ZNF646: variants seen among roughly 807,000 people sequenced by gnomAD.
The protein encoded by ZNF646 is zinc finger protein 646.
ZNF646 carries 49 observed loss-of-function variants against 115.4 expected under a neutral mutation model. The ratio of observed to expected loss-of-function variants is 0.42; its 90% CI spans 0.34 to 0.54. The LOEUF is 0.54. Among genes scored for constraint, ZNF646 ranks in the 20% least tolerant of loss-of-function variants. The pLI is 0.04. For missense variants in ZNF646, 2,269 were observed against 2,457.9 expected, an observed-to-expected ratio of 0.92 and a Z score of 1.62; for synonymous variants, 933 against 939.0, an observed-to-expected ratio of 0.99 and a Z score of 0.12.
rs1478072615 is a variant in ZNF646, at chr16:31,078,542, G to A, written c.2218G>A (p.Gly740Arg). Residue 740 changes from glycine to arginine, a missense_variant, in exon 2 of 3, where the codon GGG becomes AGG. Physicochemically the swap from Gly to Arg is moderately radical, Grantham distance 125. Coordinates refer to ENST00000300850, the MANE Select transcript of ZNF646 (RefSeq NM_014699.4). Reference sequence around the variant, plus strand: ...GGCTGAATCTGAAGGGGACAAATGTGGGCTTGAGAGGGATGAGACCCATTT... The same window carrying A: ...GGCTGAATCTGAAGGGGACAAATGTAGGCTTGAGAGGGATGAGACCCATTT... Reference protein sequence around the residue: ...LQAESEGDKCGLERDETHFQG... With the variant: ...LQAESEGDKCRLERDETHFQG... The A allele has an allele frequency of 2.5e-6, 4 of 1,599,820 alleles. No individual in the cohort carries two copies. In the African/African-American group the frequency reaches 5.4e-5, roughly 21 times the overall value.
Position 31,077,012 on chromosome 16 carries a change from TC to T in ZNF646, c.692del (p.Pro231LeufsTer51), listed in dbSNP as rs2057086221. On this transcript the variant is annotated frameshift_variant, in exon 2 of 3. Transcript: ENST00000300850. LOFTEE classifies it high-confidence loss of function. ...NFTGGQEPTQSPPAEEERRYK... is the reference protein window; with the variant it reads ...NFTGGQEPTQXPPAEEERRYK... ...CACAGGGGGCCAGGAGCCCACCCAGTCCCCTCCTGCTGAGGAGGAGCGGCGG... is the reference window on the plus strand; with the variant it reads ...CACAGGGGGCCAGGAGCCCACCCAGTCCCTCCTGCTGAGGAGGAGCGGCGG... 1 of 1,613,768 alleles carries T rather than the reference TC, an allele frequency of 6.2e-7. No individual in the cohort carries two copies. The highest frequency in any genetic ancestry group is 1.3e-5 in the African/African-American group (1 of 74,864).
In ZNF646 at chr16:31,079,292, C is replaced by T. The variant is rs747658470; in HGVS notation, c.2968C>T (p.Pro990Ser). The change falls in exon 2 of 3, where the codon CCC (proline) becomes TCC (serine). Residue 990 changes from proline to serine, a missense_variant. This residue lies in a region of ZNF646 where 1,062 missense variants were observed against 1,172.8 expected (regional missense o/e 0.91). Coordinates refer to ENST00000300850, the MANE Select transcript of ZNF646 (RefSeq NM_014699.4). The surrounding 1 kb of genome is among the most constrained non-coding windows in gnomAD (Gnocchi z 5.5). ...QSSGTTADKA[P>S]SPLGVAGDAM... Reference sequence around the variant, plus strand: ...TTCTGGGACTACTGCAGACAAGGCTCCCAGCCCCTTGGGAGTGGCAGGTGA... The same window carrying T: ...TTCTGGGACTACTGCAGACAAGGCTTCCAGCCCCTTGGGAGTGGCAGGTGA... 5 of 1,613,580 alleles carry T rather than the reference C, an allele frequency of 3.1e-6. No individual in the cohort carries two copies. The South Asian group carries it at 4.4e-5, about 14-fold the overall frequency.
upstream of ZNF646, chr16:31,072,957 CCG>C (rs2057027617): frequency 4.6e-5 from 7 of 152,290 alleles, no homozygotes; most frequent in Admixed American, 2.6e-4. Flanking sequence ...GGGCCCCACG[CCG>C]CTCTGGACCT....
chr16:31,076,656 A>G lies in ZNF646; in HGVS notation c.332A>G (p.Lys111Arg), dbSNP rs1303912541. 2 of 1,612,870 alleles carry G rather than the reference A, an allele frequency of 1.2e-6. No homozygotes were observed. Among genetic ancestry groups the G allele is most frequent in the African/African-American group, 1.3e-5 (1 of 74,912 alleles). The change falls in exon 2 of 3, where the codon AAG becomes AGG. Residue 111 changes from lysine (K) to arginine (R), a missense_variant. Physicochemically the swap from Lys to Arg is conservative, Grantham distance 26. This residue lies in a region of ZNF646 where 334 missense variants were observed against 323.5 expected (regional missense o/e 1.03). Coordinates refer to ENST00000300850, the MANE Select transcript of ZNF646 (RefSeq NM_014699.4). ...GRRRHRPPRP[K>R]EATPHLQGET... is the part of the protein sequence containing the mutation. ...CGCAGGCACAGGCCCCCACGCCCCA[A>G]GGAAGCCACTCCACACCTCCAGGGT...
Position 31,077,749 on chromosome 16 carries a change from C to T in ZNF646, c.1425C>T (p.Arg475=), listed in dbSNP as rs2143812565. ...YKCSECGRAY[R]HRGSLVNHRH... ...GCAGTGAGTGTGGTCGTGCTTACCG[C>T]CACCGGGGGAGCCTGGTGAACCATC... Residue 475 remains arginine, a synonymous_variant, in exon 2 of 3, where the codon CGC becomes CGT. Coordinates refer to ENST00000300850, the MANE Select transcript of ZNF646 (RefSeq NM_014699.4). The T allele has an allele frequency of 6.2e-7, 1 of 1,614,056 alleles. No individual in the cohort carries two copies. The highest frequency in any genetic ancestry group is 8.5e-7 in the Non-Finnish European group (1 of 1,180,038).
In ZNF646 at chr16:31,080,255, G is replaced by A. The variant is rs373261909; in HGVS notation, c.3931G>A (p.Ala1311Thr). 3.0e-5 allele frequency: 49 copies of A among 1,612,218 alleles called. No homozygotes were observed. The highest frequency in any genetic ancestry group is 1.6e-4 in the East Asian group (7 of 44,878). The change falls in exon 2 of 3, where the codon GCC becomes ACC. Residue 1311 changes from alanine (A) to threonine (T), a missense_variant. Physicochemically the swap from Ala to Thr is moderately conservative, Grantham distance 58. This residue lies in a region of ZNF646 where 1,062 missense variants were observed against 1,172.8 expected (regional missense o/e 0.91). Transcript: ENST00000300850. ...CGQCGRTYRH[A>T]GSLLNHRRSH... The stretch of plus-strand genomic sequence containing the variant: ...GCAGTGCGGGCGGACCTATCGCCAC[G>A]CCGGCAGCCTCCTGAACCACCGGCG...
Position 31,076,700 on chromosome 16 carries a change from T to C in ZNF646, c.376T>C (p.Ser126Pro). Residue 126 changes from serine to proline, a missense_variant, in exon 2 of 3, where the codon TCC becomes CCC. Coordinates refer to ENST00000300850, the MANE Select transcript of ZNF646 (RefSeq NM_014699.4). ...CCAGGGTGAGACGGTGTCCACTGAC[T>C]CCTGGGGCCAAAGGCTTGGCTCTAG... Reference protein sequence around the residue: ...HLQGETVSTDSWGQRLGSSEG... With the variant: ...HLQGETVSTDPWGQRLGSSEG... 6.2e-7 allele frequency: 1 copy of C among 1,613,618 alleles called. No individual in the cohort carries two copies. Among genetic ancestry groups the C allele is most frequent in the Non-Finnish European group, 8.5e-7 (1 of 1,179,986 alleles).
chr16:31,078,939 C>T lies in ZNF646; in HGVS notation c.2615C>T (p.Pro872Leu). 6.2e-7 allele frequency: 1 copy of T among 1,613,116 alleles called. No homozygotes were observed. The highest frequency in any genetic ancestry group is 8.5e-7 in the Non-Finnish European group (1 of 1,179,930). ...CGCAGCCACTTCCAGAACCATAGGC[C>T]TGGGGAGGCGACCTCAGCACAGCCT... ...ALRSHFQNHR[P>L]GEATSAQPFL... is the part of the protein sequence containing the mutation. Residue 872 changes from proline to leucine, a missense_variant, in exon 2 of 3, where the codon CCT (proline) becomes CTT (leucine). Pro to Leu is a moderately conservative substitution (Grantham distance 98). Around this residue, in one of 5 missense-constraint regions of ZNF646, gnomAD observed 852 missense variants for 900.2 expected, o/e 0.95. Coordinates refer to ENST00000300850, the MANE Select transcript of ZNF646 (RefSeq NM_014699.4).
chr16:31,083,211 A>G lies in ZNF646; in HGVS notation c.*119A>G. Reference sequence around the variant, plus strand: ...CCATATCTTCTCCTCTCCCCTTGTGAAGAGGACCCAGATCTGGCTTCTTTC... The same window carrying G: ...CCATATCTTCTCCTCTCCCCTTGTGGAGAGGACCCAGATCTGGCTTCTTTC... On this transcript the variant is annotated 3_prime_UTR_variant, in exon 3 of 3. Transcript: ENST00000300850. 7.1e-7 allele frequency: 1 copy of G among 1,409,728 alleles called. No homozygotes were observed. The highest frequency in any genetic ancestry group is 1.5e-5 in the African/African-American group (1 of 68,308). The allele number at this position is 1,409,728 out of a possible 1,614,324, so 87.3% of individuals were successfully genotyped here. A position where few individuals can be genotyped will look rare whatever the true frequency, so the allele number is the denominator to read the frequency against.
At position 31,079,990 on chromosome 16, in the gene ZNF646, G is replaced by T. The variant is rs1314682320; in HGVS notation, c.3666G>T (p.Arg1222=). 6.2e-7 allele frequency: 1 copy of T among 1,607,766 alleles called. No individual in the cohort carries two copies. The highest frequency in any genetic ancestry group is 1.7e-5 in the Admixed American group (1 of 59,834). ...ACGCCGGCAGCCTCATCAACCACCG[G>T]CAGAGCCACCAGACCGGCCACTTTG... The part of the protein sequence containing the change: ...YKHAGSLINH[R]QSHQTGHFGC... The change falls in exon 2 of 3, where the codon CGG becomes CGT. Residue 1222 remains arginine (R), a synonymous_variant. Coordinates refer to ENST00000300850, the MANE Select transcript of ZNF646 (RefSeq NM_014699.4). The surrounding 1 kb of genome is among the most constrained non-coding windows in gnomAD (Gnocchi z 5.5).
chr16:31,082,756 T>C, intron 2 of ZNF646: 2 of 587,382 alleles, frequency 3.4e-6, no homozygotes, highest in Middle Eastern at 4.4e-4. Context: ...GCTGAAGGAA[T>C]GGCTTTAAGG....
Position 31,079,674 on chromosome 16 carries a change from C to T in ZNF646, c.3350C>T (p.Ala1117Val), listed in dbSNP as rs2057128576. 1.2e-6 allele frequency: 2 copies of T among 1,613,364 alleles called. No individual in the cohort carries two copies. Among genetic ancestry groups the T allele is most frequent in the East Asian group, 4.5e-5 (2 of 44,866 alleles). ...CCCCAGGTTGGGCCCATCCCAGAGG[C>T]AGCAGGTAGCAGTGAGCTGCAGGTT... ...SEPQVGPIPE[A>V]AGSSELQVGP... Residue 1117 changes from alanine (A) to valine (V), a missense_variant, in exon 2 of 3, where the codon GCA becomes GTA. Transcript: ENST00000300850. This position sits in a 1 kb window ranked among gnomAD's most constrained non-coding sequence, Gnocchi z 5.5.
Position 31,083,546 on chromosome 16 carries a change from G to T in ZNF646, c.*454G>T, listed in dbSNP as rs1567414393. On this transcript the variant is annotated 3_prime_UTR_variant, in exon 3 of 3. Coordinates refer to ENST00000300850, the MANE Select transcript of ZNF646 (RefSeq NM_014699.4). Reference sequence around the variant, plus strand: ...GCGTGATTGTATCTGAAAGGGTAAAGGAGGAGGAAAGCTGAGACGCCTGCT... The same window carrying T: ...GCGTGATTGTATCTGAAAGGGTAAATGAGGAGGAAAGCTGAGACGCCTGCT... 2 of 1,425,458 alleles carry T rather than the reference G, an allele frequency of 1.4e-6. No individual in the cohort carries two copies. The highest frequency in any genetic ancestry group is 1.8e-6 in the Non-Finnish European group (2 of 1,085,300). 88.3% of individuals were successfully genotyped at this position (1,425,458 alleles called of 1,614,324 possible). A position where few individuals can be genotyped will look rare whatever the true frequency, so the allele number is the denominator to read the frequency against.
chr16:31,073,376 T>C (rs1243765707), upstream of ZNF646: 2 of 151,890 alleles, frequency 1.3e-5, no homozygotes, highest in Non-Finnish European at 2.9e-5. Context: ...ACCCAAAACA[T>C]GGCGGGCTCT....
intron 2 of ZNF646, chr16:31,082,634 C>T: frequency 6.0e-6 from 2 of 333,320 alleles, no homozygotes. Flanking sequence ...TCCACCTCCC[C>T]TAGTAGAGGC....
intron 2 of ZNF646, 120 bp from the exon 3 acceptor site, chr16:31,082,851 C>T: frequency 7.5e-7 from 1 of 1,341,076 alleles, no homozygotes; most frequent in Non-Finnish European, 1.0e-6. Flanking sequence ...GCCTAGAATC[C>T]CTGTTCTCAT....
In ZNF646 at chr16:31,078,409, G is replaced by C; in HGVS notation, c.2085G>C (p.Trp695Cys). 6.2e-7 allele frequency: 1 copy of C among 1,610,104 alleles called. No individual in the cohort carries two copies. The highest frequency in any genetic ancestry group is 8.5e-7 in the Non-Finnish European group (1 of 1,177,554). Residue 695 changes from tryptophan to cysteine, a missense_variant, in exon 2 of 3, where the codon TGG (tryptophan) becomes TGC (cysteine). This residue lies in a region of ZNF646 where 852 missense variants were observed against 900.2 expected (regional missense o/e 0.95). Transcript: ENST00000300850. ...REAKLLAAES[W>C]TRELEDNEGL... ...CCAAACTCCTGGCAGCGGAGAGCTGGACCCGGGAGCTAGAAGACAATGAAG... is the reference window on the plus strand; with the variant it reads ...CCAAACTCCTGGCAGCGGAGAGCTGCACCCGGGAGCTAGAAGACAATGAAG...
chr16:31,077,614 T>C lies in ZNF646; in HGVS notation c.1290T>C (p.Val430=). 6.2e-7 allele frequency: 1 copy of C among 1,613,606 alleles called. No homozygotes were observed. Among genetic ancestry groups the C allele is most frequent in the African/African-American group, 1.3e-5 (1 of 74,988 alleles). ...CTCATCACAGGCCCAGGCAAGGAGT[T>C]GGGGAAAATGGGCAGCCATCAGTCC... The part of the protein sequence containing the change: ...VRAHHRPRQG[V]GENGQPSVPP... The change falls in exon 2 of 3, where the codon GTT becomes GTC. Residue 430 remains valine, a synonymous_variant. Transcript: ENST00000300850.
Position 31,081,063 on chromosome 16 carries a change from T to C in ZNF646, c.4739T>C (p.Ile1580Thr). 3 of 1,613,942 alleles carry C rather than the reference T, an allele frequency of 1.9e-6. No individual in the cohort carries two copies. The highest frequency in any genetic ancestry group is 8.5e-7 in the Non-Finnish European group (1 of 1,180,012). ...VATKSHSHNH[I>T]DAQTFACPDC... Reference sequence around the variant, plus strand: ...ACAAAGAGCCACAGCCACAACCACATAGACGCCCAGACCTTTGCCTGTCCT... The same window carrying C: ...ACAAAGAGCCACAGCCACAACCACACAGACGCCCAGACCTTTGCCTGTCCT... Residue 1580 changes from isoleucine (I) to threonine (T), a missense_variant, in exon 2 of 3, where the codon ATA becomes ACA. Transcript: ENST00000300850.
Sources: gnomAD v4.1 joint callset for allele counts on GRCh38, gnomAD v4.1.1 for gene constraint, gnomAD v4.1.1 regional missense constraint, Gnocchi (gnomAD v3.1) non-coding constraint, MANE v1.5 for transcripts, NCBI Gene and HGNC (gene_info 2026-07-23, HGNC 2026-07-21) for gene names.